The following RBFOX1 variants were observed in gnomAD, a reference collection of about 807,000 sequenced individuals.
RBFOX1 encodes RNA binding protein fox-1 homolog 1.
In RBFOX1, 8 loss-of-function variants were observed where a neutral mutation model predicts 57.7. The observed-to-expected ratio is 0.14, with a 90% confidence interval of 0.08 to 0.25. The LOEUF (loss-of-function observed/expected upper bound fraction) is 0.25, where lower values mean the gene tolerates loss of function less well. RBFOX1 is among the 10% of genes least tolerant of loss of function. The pLI is 1.00. For synonymous variants in RBFOX1, 326 were observed against 222.4 expected (o/e 1.47, Z -4.15); for missense variants, 611 against 548.5 (o/e 1.11, Z -1.14).
intron 4 of RBFOX1, among the ~76,000 whole-genome samples, chr16:7,198,364 G>A (rs929187713): frequency 6.6e-6 from 1 of 152,096 alleles, no homozygotes; most frequent in African/African-American, 2.4e-5. Flanking sequence ...GACAGAGGGT[G>A]GTAGTTGTGC....
chr16:6,636,083 T>A (rs1166037958), intron 2 of RBFOX1, among the ~76,000 whole-genome samples: 1 of 152,190 alleles, frequency 6.6e-6, no homozygotes, highest in Non-Finnish European at 1.5e-5. Flanking sequence ...CAGTCCATCA[T>A]ATGGAGGTCG....
intron 1 of RBFOX1, among the ~76,000 whole-genome samples, chr16:5,404,155 G>A (rs1233875070): frequency 2.0e-5 from 3 of 151,662 alleles, no homozygotes; most frequent in Admixed American, 2.0e-4. Context: ...GGGGTGAGGA[G>A]ATATGGGGGT....
At position 7,483,619 on chromosome 16, in the gene RBFOX1, G is replaced by A. The variant is rs574894595; in HGVS notation, c.28-34528G>A. The stretch of plus-strand genomic sequence containing the variant: ...ATACAGATAGGACAGTGTTCTTATT[G>A]GGGTGGCTGATAATAGAATAATTGC... On this transcript the variant is annotated intron_variant, in intron 4 of 15. Transcript: ENST00000550418. 1.2e-4 allele frequency among the ~76,000 whole-genome samples: 18 copies of A among 152,248 alleles called. No homozygotes were observed. The South Asian group carries it at 3.5e-3, about 30-fold the overall frequency.
intron 3 of RBFOX1, among the ~76,000 whole-genome samples, chr16:5,717,802 C>T (rs1259061011): frequency 6.6e-6 from 1 of 152,170 alleles, no homozygotes; most frequent in Non-Finnish European, 1.5e-5. Flanking sequence ...CTCCCATGAT[C>T]AGCGATTTAT....
rs34643206 is a variant in RBFOX1, at chr16:6,455,049, AT to A, written c.-64+138009del. The stretch of plus-strand genomic sequence containing the variant: ...AGGCACCCACTACCATGCCTGGCTA[AT>A]TTTTTTTTTTTTTTTTGTATTTTTA... On this transcript the variant is annotated intron_variant, in intron 2 of 15. Transcript: ENST00000550418. Among the ~76,000 whole-genome samples the A allele has an allele frequency of 8.8e-3, 1,249 of 142,454 alleles. 21 individuals are homozygous for A. The highest frequency in any genetic ancestry group is 0.017 in the African/African-American group (640 of 38,760). 93.5% of individuals were successfully genotyped at this position (142,454 alleles called of 152,430 possible).
At chr16:7,532,133 T>G (rs565391735) in intron 5 of RBFOX1, among the ~76,000 whole-genome samples, 127 of 54,322 alleles carry the variant, frequency 2.3e-3, no homozygotes, top group East Asian at 2.2e-3. Context: ...ACTAGCTACC[T>G]TTTTTTTTTT....
chr16:5,697,235 T>C (rs2050872293), intron 3 of RBFOX1, among the ~76,000 whole-genome samples: 1 of 152,090 alleles, frequency 6.6e-6, no homozygotes, highest in Non-Finnish European at 1.5e-5. Flanking sequence ...TCTTAGATGT[T>C]CTATTAATGG....
chr16:6,771,222 C>T (rs930303778), intron 3 of RBFOX1, among the ~76,000 whole-genome samples: 1 of 152,186 alleles, frequency 6.6e-6, no homozygotes, highest in African/African-American at 2.4e-5. Flanking sequence ...ACACCTTAGT[C>T]TTGAACTTCT....
chr16:5,592,088 G>C (rs1266497324), intron 2 of RBFOX1, among the ~76,000 whole-genome samples: 2 of 152,258 alleles, frequency 1.3e-5, no homozygotes, highest in East Asian at 3.9e-4. Flanking sequence ...TTAATTACAA[G>C]GATTATGGGG....
chr16:6,904,483 C>T (rs1162316450), intron 3 of RBFOX1, among the ~76,000 whole-genome samples: 1 of 151,518 alleles, frequency 6.6e-6, no homozygotes, highest in Non-Finnish European at 1.5e-5. Flanking sequence ...TGCCTGTAAT[C>T]CCAGCTACTC....
chr16:6,496,855 G>A (rs888369746), intron 2 of RBFOX1, among the ~76,000 whole-genome samples: 2 of 152,274 alleles, frequency 1.3e-5, no homozygotes, highest in Admixed American at 6.5e-5. Flanking sequence ...AGCTACTCGG[G>A]AGGCTGAGGC....
intron 2 of RBFOX1, among the ~76,000 whole-genome samples, chr16:6,607,050 A>C (rs1243849629): frequency 6.6e-6 from 1 of 152,130 alleles, no homozygotes; most frequent in Non-Finnish European, 1.5e-5. Context: ...AATCGCCAAA[A>C]ATGGCTATAC....
At chr16:5,351,301 A>C (rs2151316082) in intron 1 of RBFOX1, among the ~76,000 whole-genome samples, 1 of 152,350 alleles carries the variant, frequency 6.6e-6, no homozygotes. Context: ...TTTGACATAC[A>C]TGATAGAATT....
Position 6,402,476 on chromosome 16 carries a change from A to G in RBFOX1, c.-64+85419A>G, listed in dbSNP as rs76790271. 0.016 allele frequency among the ~76,000 whole-genome samples: 2,495 copies of G among 152,264 alleles called. 168 individuals carry two copies. In the East Asian group the frequency reaches 0.23, roughly 14 times the overall value. On this transcript the variant is annotated intron_variant, in intron 2 of 15. Transcript: ENST00000550418. The stretch of plus-strand genomic sequence containing the variant: ...ATGCACTTTCATTGGAATTCAATCC[A>G]TACATACTGAAGGGTGGTTGAAGTA...
At chr16:6,500,970 C>G (rs1186761922) in intron 2 of RBFOX1, among the ~76,000 whole-genome samples, 3 of 142,742 alleles carry the variant, frequency 2.1e-5, no homozygotes, top group Non-Finnish European at 4.5e-5. Context: ...ATGTTCCTGT[C>G]TTTTCTTCCT....
intron 1 of RBFOX1, among the ~76,000 whole-genome samples, chr16:5,389,821 C>G (rs954540062): frequency 2.6e-5 from 4 of 152,056 alleles, no homozygotes; most frequent in Non-Finnish European, 4.4e-5. Flanking sequence ...CCTCAGCTTC[C>G]TGAGTAGCTG....
At chr16:5,861,360 G>A (rs1167878473) in intron 3 of RBFOX1, among the ~76,000 whole-genome samples, 2 of 152,164 alleles carry the variant, frequency 1.3e-5, no homozygotes, top group Non-Finnish European at 2.9e-5. Context: ...CTGCTTCTGG[G>A]TGTGGTCTCT....
At chr16:5,893,970 G>T (rs1162246178) in intron 4 of RBFOX1, among the ~76,000 whole-genome samples, 1 of 152,186 alleles carries the variant, frequency 6.6e-6, no homozygotes, top group East Asian at 1.9e-4. Context: ...GCAAAATGTG[G>T]AATTGAAGAT....
intron 3 of RBFOX1, among the ~76,000 whole-genome samples, chr16:6,863,763 A>C (rs1261680179): frequency 1.2e-5 from 1 of 86,432 alleles, no homozygotes; most frequent in Non-Finnish European, 2.4e-5. Context: ...ACCAAAACCA[A>C]ATACAACCTT....
Sources: allele counts gnomAD v4.1 joint callset (sites outside exome capture counted in the v4.1 genomes callset), GRCh38; gene constraint gnomAD v4.1.1; transcripts MANE v1.5; gene names NCBI Gene and HGNC (gene_info 2026-07-23, HGNC 2026-07-21).